The following SLC2A13 variants were observed in gnomAD, a reference collection of about 807,000 sequenced individuals.
SLC2A13 encodes the protein proton myo-inositol cotransporter.
Under a neutral mutation model 64.4 loss-of-function variants are expected in SLC2A13, and 32 were observed. The observed-to-expected ratio is 0.50, with a 90% CI of 0.37 to 0.67. SLC2A13 has a LOEUF of 0.67. Ranked by LOEUF, SLC2A13 falls within the 30% of genes least tolerant of loss-of-function variation. SLC2A13 has a pLI of 0.00. For synonymous variants in SLC2A13, 338 were observed against 327.1 expected, an observed-to-expected ratio of 1.03 and a Z score of -0.36; for missense variants, 743 against 829.2, an observed-to-expected ratio of 0.90 and a Z score of 1.28.
intron 4 of SLC2A13, among the ~76,000 whole-genome samples, chr12:39,915,136 T>C (rs1945502272): frequency 6.6e-6 from 1 of 151,996 alleles, no homozygotes; most frequent in African/African-American, 2.4e-5. Context: ...AAAGTGCATA[T>C]AGCAACCTAA....
chr12:39,918,593 T>C (rs1224661507), intron 4 of SLC2A13, among the ~76,000 whole-genome samples: 1 of 152,004 alleles, frequency 6.6e-6, no homozygotes, highest in Non-Finnish European at 1.5e-5. Flanking sequence ...TTCCTGTGGG[T>C]AAATAATCTG....
chr12:39,849,209 G>A (rs1266127199), intron 6 of SLC2A13, among the ~76,000 whole-genome samples: 7 of 151,972 alleles, frequency 4.6e-5, no homozygotes, highest in African/African-American at 1.7e-4. Flanking sequence ...AGAAAAACAA[G>A]TGGGAAAGAG....
intron 2 of SLC2A13, among the ~76,000 whole-genome samples, chr12:40,034,765 T>C (rs1271057637): frequency 6.6e-6 from 1 of 152,044 alleles, no homozygotes; most frequent in Admixed American, 6.6e-5. Context: ...TCACGGAAAA[T>C]AAAAAGGGTT....
At chr12:40,030,741 G>A (rs979606362) in intron 2 of SLC2A13, among the ~76,000 whole-genome samples, 9 of 151,902 alleles carry the variant, frequency 5.9e-5, no homozygotes, top group African/African-American at 2.2e-4. Context: ...AAAGACAAGG[G>A]AAGAGAAGAG....
chr12:39,812,382 CTT>C (rs375533439), intron 7 of SLC2A13, among the ~76,000 whole-genome samples: 1 of 101,350 alleles, frequency 9.9e-6, no homozygotes, highest in Admixed American at 9.5e-5. Context: ...CTTTTCTTTT[CTT>C]TCTTTCTCTC....
chr12:39,966,913 A>G (rs1002024443), intron 3 of SLC2A13, among the ~76,000 whole-genome samples: 3 of 152,130 alleles, frequency 2.0e-5, no homozygotes, highest in Non-Finnish European at 4.4e-5. Flanking sequence ...TCATAATTCT[A>G]CTTGATATGG....
chr12:39,978,643 A>C (rs11174564), intron 3 of SLC2A13, among the ~76,000 whole-genome samples: 2 of 152,050 alleles, frequency 1.3e-5, no homozygotes, highest in South Asian at 4.2e-4. Flanking sequence ...ACCACGCGAC[A>C]ATATCCCACA....
chr12:39,888,842 ATAC>A (rs1321174431), intron 4 of SLC2A13, among the ~76,000 whole-genome samples: 1 of 152,234 alleles, frequency 6.6e-6, no homozygotes, highest in East Asian at 1.9e-4. Context: ...ATTGTGACAC[ATAC>A]TACTATGATT....
At chr12:39,889,456 T>C (rs1944546587) in intron 4 of SLC2A13, among the ~76,000 whole-genome samples, 1 of 151,982 alleles carries the variant, frequency 6.6e-6, no homozygotes, top group Non-Finnish European at 1.5e-5. Flanking sequence ...ATATGAATAT[T>C]TGCAAGGTAG....
chr12:39,912,416 T>C (rs932826870), intron 4 of SLC2A13, among the ~76,000 whole-genome samples: 2 of 151,952 alleles, frequency 1.3e-5, no homozygotes, highest in Non-Finnish European at 2.9e-5. Flanking sequence ...CTACAAACAA[T>C]ATGGGATCTT....
chr12:39,776,960 A>T (rs1338031401), intron 7 of SLC2A13, among the ~76,000 whole-genome samples: 1 of 152,188 alleles, frequency 6.6e-6, no homozygotes, highest in East Asian at 1.9e-4. Context: ...AATTTTTTAT[A>T]GACATGGCAT....
rs760884647 is a variant in SLC2A13, at chr12:40,105,584, G to T, written c.225C>A (p.Asp75Glu). 2 of 1,553,664 alleles carry T rather than the reference G, an allele frequency of 1.3e-6. No homozygotes were observed. Among genetic ancestry groups the T allele is most frequent in the Non-Finnish European group, 1.7e-6 (2 of 1,153,046 alleles). ...ERAARRQFQQ[D>E]ETPAFVYVVA... ...CCACGTACACGAAGGCGGGGGTCTCGTCCTGCTGGAACTGCCGCCGCGCCG... is the reference window on the plus strand; with the variant it reads ...CCACGTACACGAAGGCGGGGGTCTCTTCCTGCTGGAACTGCCGCCGCGCCG... Residue 75 changes from aspartate (D) to glutamate (E), a missense_variant, in exon 1 of 10, where the codon GAC becomes GAA. By Grantham distance (45) the Asp-to-Glu change is conservative (BLOSUM62 2). Coordinates refer to ENST00000280871, the MANE Select transcript of SLC2A13 (RefSeq NM_052885.4). This position sits in a 1 kb window ranked among gnomAD's most constrained non-coding sequence, Gnocchi z 4.2.
chr12:39,884,316 T>A (rs2100123086), intron 4 of SLC2A13, among the ~76,000 whole-genome samples: 1 of 152,154 alleles, frequency 6.6e-6, no homozygotes, highest in Admixed American at 6.5e-5. Context: ...GAAATTATAA[T>A]CACAAGGAAC....
At chr12:39,777,417 G>C (rs1258908175) in intron 7 of SLC2A13, among the ~76,000 whole-genome samples, 1 of 152,202 alleles carries the variant, frequency 6.6e-6, no homozygotes, top group Admixed American at 6.5e-5. Context: ...GAAGGGAAGT[G>C]CTGGGAAGGG....
chr12:40,106,073 G>T lies in SLC2A13; in HGVS notation c.-265C>A, dbSNP rs1259692080. The stretch of plus-strand genomic sequence containing the variant: ...CCCGCGCCTGCCGAGCTGGCGCTGC[G>T]GAGCGGGCGGGAGGCGGGACCGCGG... On this transcript the variant is annotated 5_prime_UTR_variant, in exon 1 of 10. Transcript: ENST00000280871. 1.2e-5 allele frequency: 4 copies of T among 322,170 alleles called. No homozygotes were observed. Among genetic ancestry groups the T allele is most frequent in the African/African-American group, 8.7e-5 (4 of 46,176 alleles). The allele number at this position is 322,170 out of a possible 1,614,324, so 20.0% of individuals were successfully genotyped here.
intron 4 of SLC2A13, chr12:39,907,512 T>G (rs1171949689): frequency 1.3e-5 from 2 of 152,160 alleles, no homozygotes; most frequent in Non-Finnish European, 2.9e-5. Context: ...AAAACCATAA[T>G]GTACCTGATA....
intron 1 of SLC2A13, chr12:40,068,398 T>C (rs1937820301): frequency 3.0e-6 from 1 of 331,648 alleles, no homozygotes; most frequent in Non-Finnish European, 5.8e-6. Context: ...TAGGCCAACA[T>C]GGTGTAGTAC....
intron 4 of SLC2A13, among the ~76,000 whole-genome samples, chr12:39,882,310 C>T (rs569149199): frequency 6.6e-6 from 1 of 152,256 alleles, no homozygotes; most frequent in East Asian, 1.9e-4. Context: ...TTTGCCTTTC[C>T]AACAAATTTT....
At chr12:39,919,211 G>C (rs1417956256) in intron 4 of SLC2A13, among the ~76,000 whole-genome samples, 1 of 152,064 alleles carries the variant, frequency 6.6e-6, no homozygotes, top group Non-Finnish European at 1.5e-5. Flanking sequence ...TTCCTGGTGT[G>C]AGCCACTGTG....
Sources: gnomAD v4.1 joint callset for allele counts (sites outside exome capture counted in the v4.1 genomes callset) on GRCh38, gnomAD v4.1.1 for gene constraint, Gnocchi (gnomAD v3.1) non-coding constraint, MANE v1.5 for transcripts, NCBI Gene and HGNC (gene_info 2026-07-23, HGNC 2026-07-21) for gene names.